TPH2: variants seen among roughly 807,000 people sequenced by gnomAD.
TPH2 encodes tryptophan 5-hydroxylase 2.
Under a neutral mutation model 59.1 loss-of-function variants are expected in TPH2, and 27 were observed. The observed-to-expected ratio is 0.46, with a 90% CI of 0.34 to 0.63. The LOEUF is 0.63. TPH2 is among the 30% of genes least tolerant of loss of function. The pLI is 0.01. For missense variants in TPH2, 523 were observed against 588.3 expected (o/e 0.89, Z 1.15); for synonymous variants, 220 against 210.5 (o/e 1.05, Z -0.39).
chr12:71,999,120 T>G (rs1338367040), intron 8 of TPH2, among the ~76,000 whole-genome samples: 2 of 152,232 alleles, frequency 1.3e-5, no homozygotes, highest in East Asian at 3.8e-4. Context: ...CCAAAGCAGC[T>G]TTTGAACTTC....
rs562489718 is a variant in TPH2 at position 71,950,441 on chromosome 12, A to G, written c.608+786A>G. On this transcript the variant is annotated intron_variant, in intron 5 of 10. Coordinates refer to ENST00000333850, the MANE Select transcript of TPH2 (RefSeq NM_173353.4). ...TTCTCTGGTGGGCAGAGTGGGGGTT[A>G]CAAGGTGCTCAGTAGGCTTAGCTTG... 3.3e-3 allele frequency among the ~76,000 whole-genome samples: 502 copies of G among 152,258 alleles called. 1 individual carries two copies. The highest frequency in any genetic ancestry group is 0.012 in the African/African-American group (487 of 41,556).
chr12:71,958,450 CT>C (rs1443394596), intron 5 of TPH2, among the ~76,000 whole-genome samples: 1 of 152,144 alleles, frequency 6.6e-6, no homozygotes, highest in Non-Finnish European at 1.5e-5. Flanking sequence ...AGTTATTCTC[CT>C]TACAGAATTC....
chr12:71,940,196 C>A (rs1041821127), intron 1 of TPH2, among the ~76,000 whole-genome samples: 1 of 152,020 alleles, frequency 6.6e-6, no homozygotes, highest in Non-Finnish European at 1.5e-5. Flanking sequence ...TAATGTATGA[C>A]CCTTTTATAT....
chr12:72,002,110 A>G (rs1872837917), intron 8 of TPH2, among the ~76,000 whole-genome samples: 1 of 152,208 alleles, frequency 6.6e-6, no homozygotes, highest in South Asian at 2.1e-4. Flanking sequence ...AGGTTAATTA[A>G]CTTGATTTAA....
At chr12:72,009,985 C>T (rs1008904092) in intron 8 of TPH2, among the ~76,000 whole-genome samples, 1 of 152,172 alleles carries the variant, frequency 6.6e-6, no homozygotes, top group African/African-American at 2.4e-5. Flanking sequence ...AGCTCCATGT[C>T]AGTTTCCCCA....
At chr12:71,996,738 G>C (rs980821827) in intron 8 of TPH2, among the ~76,000 whole-genome samples, 1 of 152,178 alleles carries the variant, frequency 6.6e-6, no homozygotes, top group African/African-American at 2.4e-5. Flanking sequence ...TAAGGCAGGA[G>C]TTTATGGATG....
At chr12:72,022,815 A>AGTGATCCTACTGACT (rs1476493541) in intron 9 of TPH2, among the ~76,000 whole-genome samples, 6 of 152,206 alleles carry the variant, frequency 3.9e-5, no homozygotes, top group Non-Finnish European at 5.9e-5. Flanking sequence ...ATGAGCTAGC[A>AGTGATCCTACTGACT]GTGATCCTAC....
At chr12:71,968,711 C>T (rs1338549963) in intron 5 of TPH2, among the ~76,000 whole-genome samples, 3 of 152,204 alleles carry the variant, frequency 2.0e-5, no homozygotes, top group African/African-American at 7.2e-5. Flanking sequence ...AAACACTGAC[C>T]TCCTCACAAT....
At position 71,938,919 on chromosome 12, in the gene TPH2, C is replaced by G; in HGVS notation, c.-68C>G. On this transcript the variant is annotated 5_prime_UTR_variant, in exon 1 of 11. The change creates a new upstream start codon in the 5' untranslated region. Coordinates refer to ENST00000333850, the MANE Select transcript of TPH2 (RefSeq NM_173353.4). ...TGATCGCACGCCCCTTCCTCTCAAT[C>G]TCCGCCAGCGCTGCTACTGCCCCTC... The G allele has an allele frequency of 7.3e-7, 1 of 1,372,250 alleles. No homozygotes were observed. The allele number at this position is 1,372,250 out of a possible 1,614,324, so 85.0% of individuals were successfully genotyped here.
intron 5 of TPH2, among the ~76,000 whole-genome samples, chr12:71,970,255 A>T (rs1232204459): frequency 6.6e-6 from 1 of 152,174 alleles, no homozygotes; most frequent in Non-Finnish European, 1.5e-5. Flanking sequence ...AGTGCATTGC[A>T]CCGGTTTTTA....
chr12:71,972,527 C>G lies in TPH2; in HGVS notation c.617C>G (p.Pro206Arg), dbSNP rs371804418. The G allele has an allele frequency of 6.2e-7, 1 of 1,614,058 alleles. No homozygotes were observed. The highest frequency in any genetic ancestry group is 8.5e-7 in the Non-Finnish European group (1 of 1,179,990). ...DVAMGYKYGQ[P>R]IPRVEYTEEE... ...TCTTCTCTCCTGCCTAGTGGTCAGC[C>G]CATTCCCAGGGTGGAGTATACTGAA... is the stretch of plus-strand genomic sequence containing the variant. Residue 206 changes from proline (P) to arginine (R), a missense_variant, in exon 6 of 11, where the codon CCC becomes CGC. Transcript: ENST00000333850.
At chr12:71,968,690 C>T (rs1347601927) in intron 5 of TPH2, among the ~76,000 whole-genome samples, 1 of 152,228 alleles carries the variant, frequency 6.6e-6, no homozygotes, top group Non-Finnish European at 1.5e-5. Context: ...AAAGAAACTG[C>T]CCTTTCCCTC....
chr12:71,974,228 C>T (rs1872053331), intron 6 of TPH2, among the ~76,000 whole-genome samples: 1 of 152,152 alleles, frequency 6.6e-6, no homozygotes, highest in Non-Finnish European at 1.5e-5. Flanking sequence ...ACTTTATCCC[C>T]CAATCCCATA....
chr12:71,989,359 T>G (rs1872524219), intron 7 of TPH2, among the ~76,000 whole-genome samples: 1 of 152,232 alleles, frequency 6.6e-6, no homozygotes, highest in Admixed American at 6.5e-5. Flanking sequence ...CGCATCCCAG[T>G]GTGTTATCCC....
At chr12:71,987,147 C>T (rs937692213) in intron 7 of TPH2, among the ~76,000 whole-genome samples, 1 of 152,202 alleles carries the variant, frequency 6.6e-6, no homozygotes, top group Non-Finnish European at 1.5e-5. Flanking sequence ...CAGGTAATTT[C>T]CCTAAGGTTA....
Position 71,983,803 on chromosome 12 carries a change from G to A in TPH2, c.941+4716G>A, listed in dbSNP as rs80082790. On this transcript the variant is annotated intron_variant, in intron 7 of 10. Transcript: ENST00000333850. ...AGAGAGAGAGACAGAGAGAGAGAGA[G>A]AAAGAGAGAGATAGCACAAACCCTG... Among the ~76,000 whole-genome samples the A allele has an allele frequency of 1.1e-4, 17 of 151,634 alleles. No homozygotes were observed. The East Asian group carries it at 2.2e-3, about 19-fold the overall frequency.
At chr12:72,012,674 T>C (rs1873131073) in intron 8 of TPH2, among the ~76,000 whole-genome samples, 1 of 152,232 alleles carries the variant, frequency 6.6e-6, no homozygotes, top group Non-Finnish European at 1.5e-5. Context: ...GGGAGTATCT[T>C]AGATGGATCT....
intron 9 of TPH2, among the ~76,000 whole-genome samples, chr12:72,027,389 C>G (rs1405780086): frequency 2.0e-5 from 3 of 152,202 alleles, no homozygotes; most frequent in Non-Finnish European, 4.4e-5. Flanking sequence ...ACTTCCCATG[C>G]CAGGCACTTT....
chr12:71,972,839 T>C, intron 6 of TPH2, 124 bp downstream of exon 6: 7 of 1,064,676 alleles, frequency 6.6e-6, no homozygotes, highest in African/African-American at 1.6e-5. Context: ...ATTGTTGGCT[T>C]TGAGCCAACA....
Sources: allele counts gnomAD v4.1 joint callset (sites outside exome capture counted in the v4.1 genomes callset), GRCh38; gene constraint gnomAD v4.1.1; transcripts MANE v1.5; gene names NCBI Gene and HGNC (gene_info 2026-07-23, HGNC 2026-07-21).